Variants in ATRN observed in about 807,000 individuals in gnomAD.
ATRN encodes attractin.
Under a neutral mutation model 178.7 loss-of-function variants are expected in ATRN, and 54 were observed. The ratio of observed to expected loss-of-function variants is 0.30; its 90% confidence interval spans 0.24 to 0.38. The LOEUF (loss-of-function observed/expected upper bound fraction) is 0.38. Among genes scored for constraint, ATRN ranks in the 10% least tolerant of loss-of-function variants. The probability of loss-of-function intolerance (pLI) is 1.00; values close to 1 mark genes in which losing one functional copy is unlikely to be tolerated. For synonymous variants in ATRN, 636 were observed against 663.0 expected (o/e 0.96, Z 0.63); for missense variants, 1,443 against 1,815.1 (o/e 0.79, Z 3.73).
chr20:3,507,918 T>C (rs2085069838), intron 1 of ATRN, among the ~76,000 whole-genome samples: 1 of 151,992 alleles, frequency 6.6e-6, no homozygotes, highest in Non-Finnish European at 1.5e-5. Flanking sequence ...TTGGCCAGGA[T>C]GGTCTCGATC....
rs1181457025 is a variant in ATRN, at chr20:3,594,491, A to G, written c.3335A>G (p.Asn1112Ser). The G allele has an allele frequency of 6.2e-6, 10 of 1,608,580 alleles. No homozygotes were observed. Among genetic ancestry groups the G allele is most frequent in the East Asian group, 4.5e-5 (2 of 44,774 alleles). Reference protein sequence around the residue: ...NGGKCQPCKCNGHASLCNTNT... With the variant: ...NGGKCQPCKCSGHASLCNTNT... ...TTCTTCTCTGCAGCATGCAAGTGCA[A>G]TGGGCACGCGTCTCTGTGCAACACC... The change falls in exon 20 of 29, where the codon AAT becomes AGT. Residue 1112 changes from asparagine to serine, a missense_variant. Coordinates refer to ENST00000262919, the MANE Select transcript of ATRN (RefSeq NM_139321.3).
chr20:3,627,225 C>T (rs963891808), intron 25 of ATRN, among the ~76,000 whole-genome samples: 2 of 152,188 alleles, frequency 1.3e-5, no homozygotes, highest in African/African-American at 2.4e-5. Context: ...ACCTTAGCTG[C>T]ACCTAGAATC....
At chr20:3,491,822 A>G (rs2084798117) in intron 1 of ATRN, among the ~76,000 whole-genome samples, 1 of 152,182 alleles carries the variant, frequency 6.6e-6, no homozygotes, top group Non-Finnish European at 1.5e-5. Flanking sequence ...ATTTGTGGGT[A>G]GAAGCAAGAT....
chr20:3,638,048 A>AGATAGG lies in ATRN; in HGVS notation c.3943-779_3943-778insATAGGG, dbSNP rs2087038789. Among the ~76,000 whole-genome samples the AGATAGG allele has an allele frequency of 6.6e-6, 1 of 152,124 alleles. No individual in the cohort carries two copies. The highest frequency in any genetic ancestry group is 1.5e-5 in the Non-Finnish European group (1 of 68,024). ...TAGTAGTAGAAATACGAGGAGATAG[A>AGATAGG]GCCACACCATTTTATGTATTTGACA... On this transcript the variant is annotated intron_variant, in intron 26 of 28. Coordinates refer to ENST00000262919, the MANE Select transcript of ATRN (RefSeq NM_139321.3). This position sits in a 1 kb window ranked among gnomAD's most constrained non-coding sequence, Gnocchi z 4.5.
chr20:3,617,203 G>A (rs2086855971), intron 24 of ATRN, among the ~76,000 whole-genome samples: 3 of 152,186 alleles, frequency 2.0e-5, no homozygotes, highest in Admixed American at 2.0e-4. Flanking sequence ...AGTCTACACA[G>A]CGTGGAGTTA....
chr20:3,594,632 C>G, intron 20 of ATRN, 60 bp downstream of exon 20: 1 of 1,427,612 alleles, frequency 7.0e-7, no homozygotes, highest in South Asian at 1.3e-5. Context: ...GCTGCCTGAA[C>G]CCCACCCTGA....
At chr20:3,549,052 T>A in intron 5 of ATRN, 118 bp from the exon 6 acceptor site, 1 of 871,336 alleles carries the variant, frequency 1.1e-6, no homozygotes, top group Non-Finnish European at 1.7e-6. Context: ...GTCTGATATT[T>A]AAATGCTAAA....
chr20:3,619,504 C>T (rs891049749), intron 24 of ATRN, among the ~76,000 whole-genome samples: 2 of 152,190 alleles, frequency 1.3e-5, no homozygotes, highest in African/African-American at 4.8e-5. Context: ...TTTTCCTAGT[C>T]ATTCAGTATT....
Position 3,584,787 on chromosome 20 carries a change from G to C in ATRN, c.3091G>C (p.Ala1031Pro). 1 of 1,614,196 alleles carries C rather than the reference G, an allele frequency of 6.2e-7. No homozygotes were observed. Among genetic ancestry groups the C allele is most frequent in the South Asian group, 1.1e-5 (1 of 91,084 alleles). Residue 1031 changes from alanine (A) to proline (P), a missense_variant, in exon 18 of 29, where the codon GCC becomes CCC. Physicochemically the swap from Ala to Pro is conservative, Grantham distance 27. Transcript: ENST00000262919. ...AGGACCAGTGAAGATGCCTTCGCAAGCCCCTACAGGAAATTTCTATCCACA... is the reference window on the plus strand; with the variant it reads ...AGGACCAGTGAAGATGCCTTCGCAACCCCCTACAGGAAATTTCTATCCACA... Reference protein sequence around the residue: ...YKGPVKMPSQAPTGNFYPQPL... With the variant: ...YKGPVKMPSQPPTGNFYPQPL...
intron 1 of ATRN, among the ~76,000 whole-genome samples, chr20:3,534,203 T>A (rs1342858909): frequency 4.6e-5 from 7 of 151,956 alleles, no homozygotes; most frequent in African/African-American, 1.7e-4. Context: ...AATGTGTGGA[T>A]GGTAGGTGGT....
At chr20:3,518,182 A>G (rs906366878) in intron 1 of ATRN, among the ~76,000 whole-genome samples, 1 of 152,136 alleles carries the variant, frequency 6.6e-6, no homozygotes, top group African/African-American at 2.4e-5. Context: ...GATGTTGGCA[A>G]TCCAGTTGAG....
intron 1 of ATRN, among the ~76,000 whole-genome samples, chr20:3,532,954 G>A (rs1364762477): frequency 6.6e-6 from 1 of 152,148 alleles, no homozygotes; most frequent in Non-Finnish European, 1.5e-5. Context: ...AGTAGAGACG[G>A]GGTTTCACTG....
At chr20:3,509,609 T>C (rs1256951637) in intron 1 of ATRN, among the ~76,000 whole-genome samples, 1 of 151,908 alleles carries the variant, frequency 6.6e-6, no homozygotes, top group Non-Finnish European at 1.5e-5. Flanking sequence ...GTGATTCGTC[T>C]GCCTCAGCCT....
chr20:3,629,636 CA>C (rs2086974623), intron 25 of ATRN, among the ~76,000 whole-genome samples: 1 of 152,206 alleles, frequency 6.6e-6, no homozygotes, highest in African/African-American at 2.4e-5. Flanking sequence ...ACACTAAGCA[CA>C]AATGGGTCCC....
chr20:3,498,775 G>A (rs1306882819), intron 1 of ATRN, among the ~76,000 whole-genome samples: 3 of 149,828 alleles, frequency 2.0e-5, no homozygotes, highest in East Asian at 1.9e-4. Context: ...ACTGGCACAA[G>A]TCAGGGATGC....
At chr20:3,472,759 G>C (rs2084449958) in intron 1 of ATRN, among the ~76,000 whole-genome samples, 1 of 152,192 alleles carries the variant, frequency 6.6e-6, no homozygotes, top group African/African-American at 2.4e-5. Flanking sequence ...CTTTGAGGAG[G>C]CGGTAACATT....
At chr20:3,621,289 G>A (rs928725935) in intron 24 of ATRN, among the ~76,000 whole-genome samples, 4 of 152,174 alleles carry the variant, frequency 2.6e-5, no homozygotes, top group East Asian at 3.8e-4. Flanking sequence ...GACATCTGCC[G>A]TCAGGTACAG....
At position 3,632,156 on chromosome 20, in the gene ATRN, C is replaced by T. The variant is rs954875783; in HGVS notation, c.3864-2155C>T. Reference sequence around the variant, plus strand: ...GTAGATATCTCAGGGTTCTGCATGTCTAAAATGGATCTACTGATATGTCCA... The same window carrying T: ...GTAGATATCTCAGGGTTCTGCATGTTTAAAATGGATCTACTGATATGTCCA... On this transcript the variant is annotated intron_variant, in intron 25 of 28. Transcript: ENST00000262919. This position sits in a 1 kb window ranked among gnomAD's most constrained non-coding sequence, Gnocchi z 4.2. Among the ~76,000 whole-genome samples the T allele has an allele frequency of 9.2e-5, 14 of 152,150 alleles. No individual in the cohort carries two copies. The South Asian group carries it at 2.9e-3, about 32-fold the overall frequency.
Position 3,485,610 on chromosome 20 carries a change from G to GTTTTTTTTTTTTTTTTTTTTTTTTTT in ATRN, c.410+14097_410+14122dup, listed in dbSNP as rs3084238. Reference sequence around the variant, plus strand: ...TGGTTTGCCAATACATTTTTTTGAGGTTTTTTTTTTTTTTTTTTTTTTTTT... The same window carrying GTTTTTTTTTTTTTTTTTTTTTTTTTT: ...TGGTTTGCCAATACATTTTTTTGAGGTTTTTTTTTTTTTTTTTTTTTTTTTTTTTTTTTTTTTTTTTTTTTTTTTTT... On this transcript the variant is annotated intron_variant, in intron 1 of 28. Coordinates refer to ENST00000262919, the MANE Select transcript of ATRN (RefSeq NM_139321.3). Among the ~76,000 whole-genome samples, 9 of 67,922 alleles carry GTTTTTTTTTTTTTTTTTTTTTTTTTT rather than the reference G, an allele frequency of 1.3e-4. 1 individual carries two copies. The highest frequency in any genetic ancestry group is 1.7e-4 in the African/African-American group (3 of 18,136). 44.6% of individuals were successfully genotyped at this position (67,922 alleles called of 152,430 possible). A position where few individuals can be genotyped will look rare whatever the true frequency, so the allele number is the denominator to read the frequency against.
Sources: gnomAD v4.1 joint callset for allele counts (sites outside exome capture counted in the v4.1 genomes callset) on GRCh38, gnomAD v4.1.1 for gene constraint, Gnocchi (gnomAD v3.1) non-coding constraint, MANE v1.5 for transcripts, NCBI Gene and HGNC (gene_info 2026-07-23, HGNC 2026-07-21) for gene names.